Variants in TTC12 observed in about 807,000 individuals in gnomAD.
TTC12 encodes the protein tetratricopeptide repeat domain 12.
A neutral mutation model predicts 90.1 loss-of-function variants in TTC12; 70 were observed. The observed-to-expected ratio is 0.78, with a 90% CI of 0.64 to 0.95. TTC12 has a LOEUF of 0.95. Ranked by LOEUF, TTC12 falls within the 40% of genes least tolerant of loss-of-function variation. The pLI, the probability that TTC12 is intolerant of heterozygous loss-of-function variation, is 0.00. For synonymous variants in TTC12, 296 were observed against 311.5 expected, an observed-to-expected ratio of 0.95 and a Z score of 0.53; for missense variants, 819 against 846.1, an observed-to-expected ratio of 0.97 and a Z score of 0.40.
chr11:113,325,520 A>G lies in TTC12; in HGVS notation c.323-4A>G, dbSNP rs782660018. 3.1e-6 allele frequency: 5 copies of G among 1,613,782 alleles called. No individual in the cohort carries two copies. Among genetic ancestry groups the G allele is most frequent in the Admixed American group, 1.7e-5 (1 of 60,024 alleles). On this transcript the variant is annotated splice_region_variant and splice_polypyrimidine_tract_variant and intron_variant, in intron 5 of 21. Coordinates refer to ENST00000529221, the MANE Select transcript of TTC12 (RefSeq NM_017868.4). ...GCTCACCTGTGTAACTTATATTCCC[A>G]TAGCCCTAAAAGAAAAAGGGAATGA...
At chr11:113,329,004 A>G (rs1370323545) in intron 6 of TTC12, among the ~76,000 whole-genome samples, 1 of 152,146 alleles carries the variant, frequency 6.6e-6, no homozygotes, top group Non-Finnish European at 1.5e-5. Context: ...CATTGTGTGG[A>G]TATACCATAT....
intron 11 of TTC12, among the ~76,000 whole-genome samples, 175 bp downstream of exon 11, chr11:113,340,908 T>TA (rs1419654391): frequency 6.6e-6 from 1 of 152,200 alleles, no homozygotes; most frequent in African/African-American, 2.4e-5. Context: ...TTGAGTGCTT[T>TA]CCCTCAAGAC....
intron 21 of TTC12, among the ~76,000 whole-genome samples, chr11:113,372,501 A>G (rs1006838413): frequency 6.6e-6 from 1 of 152,226 alleles, no homozygotes; most frequent in African/African-American, 2.4e-5. Flanking sequence ...TAGGGGGAGT[A>G]AGACCACAGA....
At chr11:113,370,199 A>G (rs1950344826), downstream of TTC12, among the ~76,000 whole-genome samples, 1 of 152,246 alleles carries the variant, frequency 6.6e-6, no homozygotes, top group Non-Finnish European at 1.5e-5. Context: ...GCTAGGATCA[A>G]TGCTCTAAAA....
chr11:113,335,593 A>G (rs782085967), intron 8 of TTC12, among the ~76,000 whole-genome samples: 35 of 151,836 alleles, frequency 2.3e-4, no homozygotes, highest in Non-Finnish European at 3.4e-4. Flanking sequence ...CCTTCCCCCA[A>G]CCCCATCTCA....
intron 5 of TTC12, among the ~76,000 whole-genome samples, chr11:113,325,263 C>G (rs1565575974): frequency 6.6e-6 from 1 of 152,112 alleles, no homozygotes; most frequent in East Asian, 1.9e-4. Context: ...CTGTGGCAAG[C>G]TTAGTATGGT....
chr11:113,324,527 C>T, intron 4 of TTC12, 78 bp from the exon 5 acceptor site: 1 of 1,233,274 alleles, frequency 8.1e-7, no homozygotes, highest in Non-Finnish European at 1.2e-6. Flanking sequence ...TCTAAAGTAA[C>T]ACTTCGAATT....
At chr11:113,356,544 C>A (rs1949647093) in intron 16 of TTC12, among the ~76,000 whole-genome samples, 1 of 152,158 alleles carries the variant, frequency 6.6e-6, no homozygotes, top group Non-Finnish European at 1.5e-5. Context: ...TAATGCTGGT[C>A]TGTGTACTTC....
intron 8 of TTC12, among the ~76,000 whole-genome samples, chr11:113,337,468 A>G (rs1222728859): frequency 6.6e-6 from 1 of 152,186 alleles, no homozygotes; most frequent in Non-Finnish European, 1.5e-5. Context: ...GAGTGACGTG[A>G]GCAAACCATG....
chr11:113,370,593 C>T (rs1950355669), downstream of TTC12, among the ~76,000 whole-genome samples: 1 of 152,234 alleles, frequency 6.6e-6, no homozygotes, highest in South Asian at 2.1e-4. Context: ...AGACATTCTG[C>T]CCTGTGGTCT....
intron 7 of TTC12, among the ~76,000 whole-genome samples, chr11:113,332,007 C>T (rs1180639170): frequency 6.6e-6 from 1 of 152,202 alleles, no homozygotes; most frequent in East Asian, 1.9e-4. Flanking sequence ...CACTGGCACT[C>T]CATTACTAAT....
chr11:113,320,990 C>A (rs1947287916), intron 2 of TTC12, among the ~76,000 whole-genome samples: 1 of 150,852 alleles, frequency 6.6e-6, no homozygotes, highest in South Asian at 2.1e-4. Context: ...CGAGCCTGGA[C>A]AACATAGCAA....
intron 21 of TTC12, 32 bp downstream of exon 21, chr11:113,365,092 A>G (rs1159722259): frequency 6.3e-7 from 1 of 1,595,812 alleles, no homozygotes; most frequent in Non-Finnish European, 8.6e-7. Context: ...AGGCTGACCT[A>G]TTGCAGAAAG....
At chr11:113,323,203 C>G in intron 2 of TTC12, 85 bp from the exon 3 acceptor site, 3 of 1,096,720 alleles carry the variant, frequency 2.7e-6, no homozygotes, top group Non-Finnish European at 3.7e-6. Context: ...AGATCTTTCC[C>G]ATGCATTTTA....
At chr11:113,363,073 G>A (rs1255361509) in intron 19 of TTC12, among the ~76,000 whole-genome samples, 1 of 152,238 alleles carries the variant, frequency 6.6e-6, no homozygotes, top group African/African-American at 2.4e-5. Flanking sequence ...CACCTATGAT[G>A]TGTGTGCCCA....
At chr11:113,368,076 C>G (rs964036144), downstream of TTC12, 1 of 859,786 alleles carries the variant, frequency 1.2e-6, no homozygotes, top group Non-Finnish European at 1.6e-6. Context: ...CCCCGCCTTC[C>G]CCTGCTATGG....
intron 8 of TTC12, among the ~76,000 whole-genome samples, chr11:113,335,408 A>G (rs1365499746): frequency 6.6e-6 from 1 of 152,202 alleles, no homozygotes; most frequent in Non-Finnish European, 1.5e-5. Context: ...CGTTAAAAGT[A>G]GCTTTATTGA....
At chr11:113,327,514 C>G (rs192988336) in intron 6 of TTC12, among the ~76,000 whole-genome samples, 1 of 152,122 alleles carries the variant, frequency 6.6e-6, no homozygotes, top group Admixed American at 6.5e-5. Flanking sequence ...CAATAGATTG[C>G]CGGTATAATT....
intron 10 of TTC12, among the ~76,000 whole-genome samples, chr11:113,339,868 C>T (rs563342766): frequency 8.5e-4 from 129 of 152,202 alleles, no homozygotes; most frequent in African/African-American, 2.8e-3. Flanking sequence ...ATCCTGCGCA[C>T]ACTCCACCCT....
Sources: allele counts gnomAD v4.1 joint callset (sites outside exome capture counted in the v4.1 genomes callset), GRCh38; gene constraint gnomAD v4.1.1; transcripts MANE v1.5; gene names NCBI Gene and HGNC (gene_info 2026-07-23, HGNC 2026-07-21).